MED13L: variants seen among roughly 807,000 people sequenced by gnomAD.
MED13L encodes the protein mediator of RNA polymerase II transcription subunit 13-like.
A neutral mutation model predicts 220.9 loss-of-function variants in MED13L; 7 were observed. The ratio of observed to expected loss-of-function variants is 0.03; its 90% CI spans 0.02 to 0.06. The LOEUF (loss-of-function observed/expected upper bound fraction) is 0.06. Ranked by LOEUF, MED13L falls within the 10% of genes least tolerant of loss-of-function variation. MED13L has a pLI of 1.00. For missense variants in MED13L, 1,965 were observed against 2,760.5 expected (o/e 0.71, Z 6.46); for synonymous variants, 1,011 against 1,015.2 (o/e 1.00, Z 0.08).
intron 16 of MED13L, among the ~76,000 whole-genome samples, chr12:115,993,347 T>C (rs1405030502): frequency 6.6e-6 from 1 of 152,178 alleles, no homozygotes; most frequent in Admixed American, 6.5e-5. Flanking sequence ...TATATATTAA[T>C]ACTGTACTTA....
Position 115,960,920 on chromosome 12 carries a change from A to C in MED13L, c.*346T>G, listed in dbSNP as rs1875715542. ...CCTCAATTGTATACAGAGGCTGAAAACACAGACTCTTGTGCAAAAGGACAC... is the reference window on the plus strand; with the variant it reads ...CCTCAATTGTATACAGAGGCTGAAACCACAGACTCTTGTGCAAAAGGACAC... On this transcript the variant is annotated 3_prime_UTR_variant, in exon 31 of 31. Transcript: ENST00000281928. 1.7e-5 allele frequency: 6 copies of C among 363,368 alleles called. No individual in the cohort carries two copies. The Admixed American group carries it at 1.9e-4, about 11-fold the overall frequency. 22.5% of individuals were successfully genotyped at this position (363,368 alleles called of 1,614,324 possible).
chr12:116,063,716 T>C (rs1869695941), intron 4 of MED13L, among the ~76,000 whole-genome samples: 1 of 152,176 alleles, frequency 6.6e-6, no homozygotes. Context: ...AAACTGTTTA[T>C]CAAAATACAC....
Position 116,090,504 on chromosome 12 carries a change from G to T in MED13L, c.479+6165C>A, listed in dbSNP as rs113574009. Among the ~76,000 whole-genome samples, 1,252 of 152,194 alleles carry T rather than the reference G, an allele frequency of 8.2e-3. 24 individuals are homozygous for T. The highest frequency in any genetic ancestry group is 0.028 in the African/African-American group (1,181 of 41,532). ...CAATGAAGGTAACATGCTCTGAGTGGTAGAGAAAAAAAGAATAAAAGATAT... is the reference window on the plus strand; with the variant it reads ...CAATGAAGGTAACATGCTCTGAGTGTTAGAGAAAAAAAGAATAAAAGATAT... On this transcript the variant is annotated intron_variant, in intron 4 of 30. Coordinates refer to ENST00000281928, the MANE Select transcript of MED13L (RefSeq NM_015335.5).
chr12:115,964,251 AC>A (rs1193961769), intron 29 of MED13L, among the ~76,000 whole-genome samples: 2 of 152,158 alleles, frequency 1.3e-5, no homozygotes, highest in African/African-American at 4.8e-5. Context: ...TAATATTATC[AC>A]CCCATCTGTA....
At chr12:116,244,481 G>A (rs942606430) in intron 1 of MED13L, among the ~76,000 whole-genome samples, 4 of 152,212 alleles carry the variant, frequency 2.6e-5, no homozygotes, top group African/African-American at 9.6e-5. Flanking sequence ...AGAAGCAGAT[G>A]CTCTGATAAG....
intron 2 of MED13L, among the ~76,000 whole-genome samples, chr12:116,137,724 T>C (rs1318067922): frequency 6.6e-6 from 1 of 152,148 alleles, no homozygotes; most frequent in Non-Finnish European, 1.5e-5. Flanking sequence ...TTTGCCTCCA[T>C]CTAGACTATG....
intron 2 of MED13L, among the ~76,000 whole-genome samples, chr12:116,229,186 T>C (rs1869301234): frequency 6.6e-6 from 1 of 152,226 alleles, no homozygotes; most frequent in South Asian, 2.1e-4. Context: ...TTAAAAATGT[T>C]AGACTAAACA....
intron 23 of MED13L, among the ~76,000 whole-genome samples, chr12:115,977,258 C>T (rs921657319): frequency 2.0e-5 from 3 of 152,182 alleles, no homozygotes; most frequent in Non-Finnish European, 4.4e-5. Context: ...AACTACACAG[C>T]ATTAGGCATG....
intron 2 of MED13L, among the ~76,000 whole-genome samples, chr12:116,131,808 A>C (rs1016902239): frequency 3.9e-5 from 6 of 151,918 alleles, no homozygotes; most frequent in Admixed American, 6.6e-5. Context: ...GCAAAACCTT[A>C]TCTCTACCAG....
intron 3 of MED13L, among the ~76,000 whole-genome samples, chr12:116,107,205 T>C (rs1168124886): frequency 6.6e-6 from 1 of 152,118 alleles, no homozygotes; most frequent in African/African-American, 2.4e-5. Flanking sequence ...AAAAGAGACA[T>C]AAAATTAAAG....
chr12:116,080,234 C>T (rs1037728525), intron 4 of MED13L, among the ~76,000 whole-genome samples: 2 of 152,066 alleles, frequency 1.3e-5, no homozygotes, highest in African/African-American at 4.8e-5. Flanking sequence ...ATATACTTGG[C>T]AGGGTTTGGA....
intron 2 of MED13L, among the ~76,000 whole-genome samples, chr12:116,138,346 G>A (rs1876762882): frequency 6.6e-6 from 1 of 152,150 alleles, no homozygotes; most frequent in South Asian, 2.1e-4. Flanking sequence ...GTTTGTTGCT[G>A]TTACGTACAG....
At chr12:116,073,861 TG>T (rs886321595) in intron 4 of MED13L, among the ~76,000 whole-genome samples, 1 of 152,214 alleles carries the variant, frequency 6.6e-6, no homozygotes, top group Non-Finnish European at 1.5e-5. Flanking sequence ...ATTCAATTAC[TG>T]ATCTCCCTAA....
intron 2 of MED13L, among the ~76,000 whole-genome samples, chr12:116,196,743 C>T (rs534304611): frequency 2.0e-5 from 3 of 152,262 alleles, no homozygotes; most frequent in South Asian, 4.1e-4. Flanking sequence ...TTTTAACTCT[C>T]TTTTTGGTGG....
At chr12:116,254,780 T>A (rs573709061) in intron 1 of MED13L, among the ~76,000 whole-genome samples, 1 of 151,394 alleles carries the variant, frequency 6.6e-6, no homozygotes, top group African/African-American at 2.4e-5. Context: ...GGGAATACTC[T>A]AAAATAATAG....
intron 3 of MED13L, among the ~76,000 whole-genome samples, chr12:116,098,319 C>T (rs898381133): frequency 6.6e-6 from 1 of 152,016 alleles, no homozygotes; most frequent in Non-Finnish European, 1.5e-5. Context: ...AAAATGTGCA[C>T]ATTTGGAACT....
chr12:116,237,097 A>C (rs546681920), intron 2 of MED13L, among the ~76,000 whole-genome samples: 10 of 152,324 alleles, frequency 6.6e-5, no homozygotes, highest in Non-Finnish European at 1.3e-4. Flanking sequence ...GAACCATAAC[A>C]ACCACAGTCC....
At chr12:116,120,459 TCTCTCTCTCTCTCTCTCTCA>T (rs998537820) in intron 2 of MED13L, among the ~76,000 whole-genome samples, 1 of 137,212 alleles carries the variant, frequency 7.3e-6, no homozygotes, top group African/African-American at 2.8e-5. Context: ...TCTCTCTCTC[TCTCTCTCTCTCTCTCTCTCA>T]CACACACACA....
chr12:116,254,361 T>A (rs1273060368), intron 1 of MED13L, among the ~76,000 whole-genome samples: 1 of 152,142 alleles, frequency 6.6e-6, no homozygotes, highest in Non-Finnish European at 1.5e-5. Flanking sequence ...AAAAAGCTAC[T>A]ACAACTAATA....
Sources: gnomAD v4.1 joint callset for allele counts (sites outside exome capture counted in the v4.1 genomes callset) on GRCh38, gnomAD v4.1.1 for gene constraint, MANE v1.5 for transcripts, NCBI Gene and HGNC (gene_info 2026-07-23, HGNC 2026-07-21) for gene names.